TIAM2: variants seen among roughly 807,000 people sequenced by gnomAD.
The protein encoded by TIAM2 is TIAM Rac1 associated GEF 2.
Under a neutral mutation model 152.9 loss-of-function variants are expected in TIAM2, and 80 were observed. The observed-to-expected ratio is 0.52, with a 90% CI of 0.44 to 0.63. The LOEUF is 0.63. TIAM2 is among the 30% of genes least tolerant of loss of function. The probability of loss-of-function intolerance (pLI) is 0.00; values close to 1 mark genes in which losing one functional copy is unlikely to be tolerated. For synonymous variants in TIAM2, 804 were observed against 838.0 expected (o/e 0.96, Z 0.70); for missense variants, 1,965 against 2,120.1 (o/e 0.93, Z 1.44).
chr6:155,143,001 T>G (rs1020264335), intron 5 of TIAM2, among the ~76,000 whole-genome samples: 1 of 152,260 alleles, frequency 6.6e-6, no homozygotes, highest in East Asian at 1.9e-4. Flanking sequence ...TGAACTTTTA[T>G]GAATGAGGAT....
chr6:155,103,254 G>A (rs1404963467), intron 2 of TIAM2, among the ~76,000 whole-genome samples: 4 of 152,110 alleles, frequency 2.6e-5, no homozygotes, highest in Non-Finnish European at 5.9e-5. Context: ...TAAATTCATA[G>A]AACTAAAGTC....
chr6:155,018,269 A>G (rs1336390974), intron 1 of TIAM2, among the ~76,000 whole-genome samples: 3 of 148,466 alleles, frequency 2.0e-5, no homozygotes, highest in African/African-American at 7.5e-5. Context: ...GTGTGTGCAG[A>G]TAGATATATA....
At chr6:155,255,567 A>G (rs1454949466) in intron 26 of TIAM2, 4 of 152,180 alleles carry the variant, frequency 2.6e-5, no homozygotes, top group Admixed American at 1.3e-4. Flanking sequence ...CTTTGTAGAA[A>G]CACCAAAACT....
Position 155,179,096 on chromosome 6 carries a change from A to C in TIAM2, c.2581A>C (p.Asn861His), listed in dbSNP as rs751894172. 11 of 1,614,062 alleles carry C rather than the reference A, an allele frequency of 6.8e-6. No individual in the cohort carries two copies. The highest frequency in any genetic ancestry group is 1.6e-4 in the Middle Eastern group (1 of 6,084). The change falls in exon 11 of 27, where the codon AAT becomes CAT. Residue 861 changes from asparagine (N) to histidine (H), a missense_variant. Coordinates refer to ENST00000682666, the MANE Select transcript of TIAM2 (RefSeq NM_012454.4). Reference sequence around the variant, plus strand: ...ACAGCTTCGAAAATTAGTAGATGACAATGTTGAGTATTGCATCCCTGCACC... The same window carrying C: ...ACAGCTTCGAAAATTAGTAGATGACCATGTTGAGTATTGCATCCCTGCACC... ...GLQLRKLVDDNVEYCIPAPYE... is the reference protein window; with the variant it reads ...GLQLRKLVDDHVEYCIPAPYE...
chr6:155,220,442 A>G (rs1379753150), intron 15 of TIAM2, among the ~76,000 whole-genome samples: 2 of 152,192 alleles, frequency 1.3e-5, no homozygotes, highest in African/African-American at 2.4e-5. Context: ...CTGCACAGTA[A>G]GAACCCCAGG....
At position 155,029,709 on chromosome 6, in the gene TIAM2, A is replaced by G. The variant is rs559243698; in HGVS notation, c.-209+34217A>G. Among the ~76,000 whole-genome samples, 379 of 140,826 alleles carry G rather than the reference A, an allele frequency of 2.7e-3. 1 individual carries two copies. Among genetic ancestry groups the G allele is most frequent in the Middle Eastern group, 7.4e-3 (2 of 270 alleles). 92.4% of individuals were successfully genotyped at this position (140,826 alleles called of 152,430 possible). A position where few individuals can be genotyped will look rare whatever the true frequency, so the allele number is the denominator to read the frequency against. ...TAACTATATATAGAGATATATAACT[A>G]TATACAGAGTTATATAACTATATAG... On this transcript the variant is annotated intron_variant, in intron 1 of 26. Transcript: ENST00000682666.
intron 1 of TIAM2, among the ~76,000 whole-genome samples, chr6:155,088,338 C>A (rs1778220463): frequency 6.6e-6 from 1 of 152,140 alleles, no homozygotes; most frequent in Non-Finnish European, 1.5e-5. Flanking sequence ...ACCTCGGCCT[C>A]CCAAAGTGCT....
chr6:155,162,658 G>A (rs1298562275), intron 7 of TIAM2, among the ~76,000 whole-genome samples: 1 of 152,170 alleles, frequency 6.6e-6, no homozygotes, highest in African/African-American at 2.4e-5. Context: ...ATCCCAGAAG[G>A]TGCTCATGAA....
chr6:155,107,765 T>C (rs1422292982), intron 2 of TIAM2, among the ~76,000 whole-genome samples: 1 of 152,160 alleles, frequency 6.6e-6, no homozygotes, highest in Non-Finnish European at 1.5e-5. Context: ...GGGGTACTTG[T>C]TTAAGAGGAG....
rs1286912350 is a variant in TIAM2, at chr6:155,256,889, C to T, written c.4874C>T (p.Pro1625Leu). The T allele has an allele frequency of 1.2e-6, 2 of 1,614,178 alleles. No individual in the cohort carries two copies. The highest frequency in any genetic ancestry group is 1.7e-6 in the Non-Finnish European group (2 of 1,180,036). The change falls in exon 27 of 27, where the codon CCC (proline) becomes CTC (leucine). Residue 1625 changes from proline to leucine, a missense_variant. By Grantham distance (98) the Pro-to-Leu change is moderately conservative. Coordinates refer to ENST00000682666, the MANE Select transcript of TIAM2 (RefSeq NM_012454.4). ...GAGGGTCAGAAAGGAGGAGAGCAGCCCAAACTGGTCCGGGGGCACTTCTGC... is the reference window on the plus strand; with the variant it reads ...GAGGGTCAGAAAGGAGGAGAGCAGCTCAAACTGGTCCGGGGGCACTTCTGC... Reference protein sequence around the residue: ...SGEGQKGGEQPKLVRGHFCPI... With the variant: ...SGEGQKGGEQLKLVRGHFCPI...
intron 1 of TIAM2, among the ~76,000 whole-genome samples, chr6:155,029,663 ATAAC>A (rs1439781395): frequency 8.1e-6 from 1 of 123,640 alleles, no homozygotes; most frequent in African/African-American, 2.9e-5. Context: ...ATAGAGTTAT[ATAAC>A]TATATACAGA....
intron 19 of TIAM2, among the ~76,000 whole-genome samples, chr6:155,247,449 C>A (rs1369590113): frequency 1.3e-5 from 2 of 152,102 alleles, no homozygotes; most frequent in South Asian, 2.1e-4. Context: ...CTCCCTCAGC[C>A]TCCTGAGTAG....
At chr6:155,103,935 T>A (rs1393019983) in intron 2 of TIAM2, among the ~76,000 whole-genome samples, 1 of 151,538 alleles carries the variant, frequency 6.6e-6, no homozygotes, top group Non-Finnish European at 1.5e-5. Flanking sequence ...TTTTATTTTA[T>A]TTTACCTATT....
intron 19 of TIAM2, among the ~76,000 whole-genome samples, chr6:155,246,879 G>A (rs945951639): frequency 6.6e-6 from 1 of 152,242 alleles, no homozygotes; most frequent in Non-Finnish European, 1.5e-5. Flanking sequence ...AAATAAGGGT[G>A]TATCTTCCTT....
intron 7 of TIAM2, among the ~76,000 whole-genome samples, chr6:155,161,667 A>C (rs1474717619): frequency 6.6e-6 from 1 of 151,218 alleles, no homozygotes; most frequent in Non-Finnish European, 1.5e-5. Context: ...TCCGGGGTTC[A>C]AGCAATTCTC....
chr6:155,029,155 ATGTGT>A, intron 1 of TIAM2, among the ~76,000 whole-genome samples: 1 of 116,236 alleles, frequency 8.6e-6, no homozygotes, highest in African/African-American at 3.1e-5. Flanking sequence ...TATATGTACT[ATGTGT>A]TATATACACT....
rs76997393 is a variant in TIAM2 at position 155,067,937 on chromosome 6, C to T, written c.-208-22352C>T. On this transcript the variant is annotated intron_variant, in intron 1 of 26. Transcript: ENST00000682666. ...GAATACAGGCGTGCATGACCAAGCC[C>T]GACTTTTTCCTTGTTTTTTAATTTA... Among the ~76,000 whole-genome samples, 96 of 152,248 alleles carry T rather than the reference C, an allele frequency of 6.3e-4. 1 individual carries two copies. In the East Asian group the frequency reaches 0.016, roughly 26 times the overall value.
chr6:155,249,921 G>A lies in TIAM2; in HGVS notation c.3903G>A (p.Gly1301=). The change falls in exon 21 of 27, where the codon GGG becomes GGA. Residue 1301 remains glycine (G), a synonymous_variant. Coordinates refer to ENST00000682666, the MANE Select transcript of TIAM2 (RefSeq NM_012454.4). ...TGCAGAAGATCTATGAGGATTATGG[G>A]ACCGTGTTTGACCAGCTAGTAGCTG... The part of the protein sequence containing the change: ...NEMQKIYEDY[G]TVFDQLVAEQ... 6.2e-7 allele frequency: 1 copy of A among 1,614,136 alleles called. No homozygotes were observed.
chr6:155,101,427 T>C (rs955687741), intron 2 of TIAM2, among the ~76,000 whole-genome samples: 3 of 152,208 alleles, frequency 2.0e-5, no homozygotes, highest in Admixed American at 2.0e-4. Flanking sequence ...ACATCCAAGG[T>C]GCACATTTAC....
Sources: gnomAD v4.1 joint callset for allele counts (sites outside exome capture counted in the v4.1 genomes callset) on GRCh38, gnomAD v4.1.1 for gene constraint, MANE v1.5 for transcripts, NCBI Gene and HGNC (gene_info 2026-07-23, HGNC 2026-07-21) for gene names.